KIF14: variants seen among roughly 807,000 people sequenced by gnomAD.
The protein encoded by KIF14 is kinesin-like protein KIF14.
Under a neutral mutation model 176.2 loss-of-function variants are expected in KIF14, and 98 were observed. That is an observed-to-expected ratio of 0.56 (90% confidence interval 0.47 to 0.66). The LOEUF is 0.66. Ranked by LOEUF, KIF14 falls within the 30% of genes least tolerant of loss-of-function variation. The pLI, the probability that KIF14 is intolerant of heterozygous loss-of-function variation, is 0.00. For missense variants in KIF14, 1,751 were observed against 1,920.4 expected (o/e 0.91, Z 1.65); for synonymous variants, 566 against 632.2 (o/e 0.90, Z 1.57).
chr1:200,599,495 C>T (rs759381391), intron 13 of KIF14, among the ~76,000 whole-genome samples: 7 of 152,274 alleles, frequency 4.6e-5, no homozygotes, highest in Admixed American at 1.3e-4. Flanking sequence ...ATTGGCCATG[C>T]GCAAGGAATT....
intron 8 of KIF14, among the ~76,000 whole-genome samples, chr1:200,604,421 C>T (rs563350777): frequency 3.9e-5 from 6 of 152,092 alleles, no homozygotes; most frequent in South Asian, 2.1e-4. Context: ...AATATTCACA[C>T]GGTCTACTGA....
intron 18 of KIF14, among the ~76,000 whole-genome samples, chr1:200,587,943 A>T (rs1658840697): frequency 6.6e-6 from 1 of 152,178 alleles, no homozygotes; most frequent in South Asian, 2.1e-4. Flanking sequence ...TAGTAGATGT[A>T]TAATAACTGT....
At chr1:200,572,671 A>T (rs1263252114) in intron 22 of KIF14, among the ~76,000 whole-genome samples, 2 of 152,240 alleles carry the variant, frequency 1.3e-5, no homozygotes, top group Non-Finnish European at 2.9e-5. Flanking sequence ...AATGCTCATT[A>T]TTAATGGTCA....
chr1:200,591,949 A>G, intron 16 of KIF14, 131 bp downstream of exon 16: 1 of 679,350 alleles, frequency 1.5e-6, no homozygotes, highest in Non-Finnish European at 2.5e-6. Flanking sequence ...TAATGAATGT[A>G]CTAAGAGAAA....
Position 200,592,146 on chromosome 1 carries a change from G to A in KIF14, c.2747C>T (p.Pro916Leu), listed in dbSNP as rs769111894. The change falls in exon 16 of 30, where the codon CCT (proline) becomes CTT (leucine). Residue 916 changes from proline to leucine, a missense_variant. Physicochemically the swap from Pro to Leu is moderately conservative, Grantham distance 98. Transcript: ENST00000367350. ...KGKRPSGRDTPISEGPKDFEF... is the reference protein window; with the variant it reads ...KGKRPSGRDTLISEGPKDFEF... ...AAAGTCTTTTGGACCCTCACTTATA[G>A]GAGTATCTCTTCCAGATGGCCTTTT... 5 of 1,613,546 alleles carry A rather than the reference G, an allele frequency of 3.1e-6. No homozygotes were observed. The Admixed American group carries it at 6.7e-5, about 22-fold the overall frequency.
At chr1:200,563,782 A>G (rs1657288896) in intron 25 of KIF14, among the ~76,000 whole-genome samples, 1 of 152,232 alleles carries the variant, frequency 6.6e-6, no homozygotes, top group Non-Finnish European at 1.5e-5. Flanking sequence ...AGTATTCTCC[A>G]ATATCAATTT....
In KIF14 at chr1:200,618,820, T is replaced by G; in HGVS notation, c.-97A>C. On this transcript the variant is annotated 5_prime_UTR_variant, in exon 2 of 30. Coordinates refer to ENST00000367350, the MANE Select transcript of KIF14 (RefSeq NM_014875.3). ...TCCAGCCATTTCTTATGTATCCATT[T>G]CTGAAAGTATCTGCTAAACTAAAAG... 1.1e-6 allele frequency: 1 copy of G among 950,286 alleles called. No homozygotes were observed. The highest frequency in any genetic ancestry group is 1.6e-6 in the Non-Finnish European group (1 of 641,552). The allele number at this position is 950,286 out of a possible 1,614,324, so 58.9% of individuals were successfully genotyped here.
rs2102573355 is a variant in KIF14, at chr1:200,560,839, T to C, written c.4113A>G (p.Gln1371=). 1.2e-6 allele frequency: 2 copies of C among 1,614,092 alleles called. No individual in the cohort carries two copies. The highest frequency in any genetic ancestry group is 1.7e-6 in the Non-Finnish European group (2 of 1,179,936). Reference sequence around the variant, plus strand: ...GTTGTACAATTTGGATTGCATTCTTTTGAGCCTCTTTTATCATTGATGAAA... The same window carrying C: ...GTTGTACAATTTGGATTGCATTCTTCTGAGCCTCTTTTATCATTGATGAAA... ...LDISSMIKEA[Q]KNAIQIVQQA... is the part of the protein sequence containing the mutation. Residue 1371 remains glutamine, a synonymous_variant, in exon 26 of 30, where the codon CAA becomes CAG. Transcript: ENST00000367350.
rs141768593 is a variant in KIF14 at position 200,618,378 on chromosome 1, C to T, written c.346G>A (p.Glu116Lys). ...ELEDTTEKTA[E>K]TRLTLQRRAK... ...CGACGTTGTAATGTAAGACGTGTTT[C>T]TGCTGTTTTTTCAGTTGTGTCTTCC... The change falls in exon 2 of 30, where the codon GAA (glutamate) becomes AAA (lysine). Residue 116 changes from glutamate to lysine, a missense_variant. Glu to Lys is a moderately conservative substitution (Grantham distance 56). Coordinates refer to ENST00000367350, the MANE Select transcript of KIF14 (RefSeq NM_014875.3). 2,341 of 1,614,110 alleles carry T rather than the reference C, an allele frequency of 1.5e-3. 1 individual carries two copies. The highest frequency in any genetic ancestry group is 1.8e-3 in the Non-Finnish European group (2,171 of 1,180,026).
chr1:200,553,782 G>C lies in KIF14; in HGVS notation c.4568-15C>G. The stretch of plus-strand genomic sequence containing the variant: ...ACTATGGCATCCTATATGCAAGAGA[G>C]GAGGGAAAAGTTAATTAGCCTTTTC... On this transcript the variant is annotated splice_polypyrimidine_tract_variant and intron_variant, in intron 29 of 29. Coordinates refer to ENST00000367350, the MANE Select transcript of KIF14 (RefSeq NM_014875.3). The C allele has an allele frequency of 6.4e-7, 1 of 1,560,970 alleles. No individual in the cohort carries two copies. Among genetic ancestry groups the C allele is most frequent in the Non-Finnish European group, 8.7e-7 (1 of 1,153,684 alleles).
Position 200,600,437 on chromosome 1 carries a change from C to T in KIF14, c.2219G>A (p.Arg740Gln). ...QRNSRNIDPE[R>Q]YRLCRQEITS... ...TATTTCTTGCCGACAGAGCCTGTAT[C>T]GTTCAGGGTCAATATTCCGACTGTT... is the stretch of plus-strand genomic sequence containing the variant. The change falls in exon 12 of 30, where the codon CGA becomes CAA. Residue 740 changes from arginine to glutamine, a missense_variant. Arg to Gln is a conservative substitution (Grantham distance 43, BLOSUM62 1). Transcript: ENST00000367350. The T allele has an allele frequency of 1.2e-6, 2 of 1,613,520 alleles. No individual in the cohort carries two copies. The highest frequency in any genetic ancestry group is 8.5e-7 in the Non-Finnish European group (1 of 1,179,494).
At chr1:200,554,390 C>CAAA in intron 29 of KIF14, 78 bp downstream of exon 29, 35 of 802,680 alleles carry the variant, frequency 4.4e-5, no homozygotes, top group South Asian at 4.1e-5. Context: ...GACTCCATCT[C>CAAA]AAAAAAAAAA....
rs761670267 is a variant in KIF14, at chr1:200,615,554, C to T, written c.1168G>A (p.Val390Met). 3.7e-6 allele frequency: 6 copies of T among 1,613,608 alleles called. No individual in the cohort carries two copies. The highest frequency in any genetic ancestry group is 2.2e-5 in the East Asian group (1 of 44,882). ...ACTTGTTTCGTGTCAGGGTGTTCCA[C>T]AGTTATTTCTTTCCCACTCATGAAG... ...VVFMSGKEIT[V>M]EHPDTKQVYN... The change falls in exon 3 of 30, where the codon GTG (valine) becomes ATG (methionine). Residue 390 changes from valine (V) to methionine (M), a missense_variant. Physicochemically the swap from Val to Met is conservative, Grantham distance 21. Transcript: ENST00000367350.
chr1:200,619,834 G>T (rs893692280), intron 1 of KIF14, among the ~76,000 whole-genome samples: 4 of 152,210 alleles, frequency 2.6e-5, no homozygotes, highest in Non-Finnish European at 5.9e-5. Context: ...CAACAAATTA[G>T]ACAGAGGTGT....
At chr1:200,569,295 T>C (rs1344938732) in intron 23 of KIF14, among the ~76,000 whole-genome samples, 1 of 151,776 alleles carries the variant, frequency 6.6e-6, no homozygotes, top group Non-Finnish European at 1.5e-5. Context: ...GTGTATCCTC[T>C]CCTCCTACAT....
chr1:200,579,097 A>C (rs1428407585), intron 21 of KIF14, among the ~76,000 whole-genome samples: 1 of 152,146 alleles, frequency 6.6e-6, no homozygotes, highest in Admixed American at 6.6e-5. Context: ...CTCAAAAAAA[A>C]CAAAAAGAAA....
Position 200,552,899 on chromosome 1 carries a change from T to A in KIF14, c.*489A>T, listed in dbSNP as rs1386228043. 7.4e-6 allele frequency: 1 copy of A among 135,708 alleles called. No homozygotes were observed. The highest frequency in any genetic ancestry group is 3.2e-5 in the African/African-American group (1 of 31,700). The allele number at this position is 135,708 out of a possible 1,614,324, so 8.4% of individuals were successfully genotyped here. A position where few individuals can be genotyped will look rare whatever the true frequency, so the allele number is the denominator to read the frequency against. ...GACAGTATACCAATGTTAAACACTT[T>A]AAAGATAAAAATATATTTTATTTAT... On this transcript the variant is annotated 3_prime_UTR_variant, in exon 30 of 30. Coordinates refer to ENST00000367350, the MANE Select transcript of KIF14 (RefSeq NM_014875.3).
At chr1:200,554,403 GAA>G in intron 29 of KIF14, 63 bp downstream of exon 29, 4 of 1,129,394 alleles carry the variant, frequency 3.5e-6, no homozygotes, top group Non-Finnish European at 5.0e-6. Context: ...AAAAAAAAAG[GAA>G]AGATGTCTAA....
At chr1:200,563,414 G>C (rs1657269143) in intron 25 of KIF14, among the ~76,000 whole-genome samples, 1 of 151,926 alleles carries the variant, frequency 6.6e-6, no homozygotes, top group Admixed American at 6.6e-5. Context: ...ATCCAGGCTG[G>C]AATGCAGTGG....
Sources: gnomAD v4.1 joint callset for allele counts (sites outside exome capture counted in the v4.1 genomes callset) on GRCh38, gnomAD v4.1.1 for gene constraint, MANE v1.5 for transcripts, NCBI Gene and HGNC (gene_info 2026-07-23, HGNC 2026-07-21) for gene names.